The following SEMA6A variants were observed in gnomAD, a reference collection of about 807,000 sequenced individuals.
SEMA6A encodes semaphorin 6A.
Under a neutral mutation model 96.8 loss-of-function variants are expected in SEMA6A, and 25 were observed. The ratio of observed to expected loss-of-function variants is 0.26; its 90% CI spans 0.19 to 0.36. The LOEUF (loss-of-function observed/expected upper bound fraction) is 0.36. Ranked by LOEUF, SEMA6A falls within the 10% of genes least tolerant of loss-of-function variation. The probability of loss-of-function intolerance (pLI) is 1.00; values close to 1 mark genes in which losing one functional copy is unlikely to be tolerated. For synonymous variants in SEMA6A, 612 were observed against 518.0 expected (o/e 1.18, Z -2.46); for missense variants, 1,363 against 1,323.1 (o/e 1.03, Z -0.47).
At chr5:116,551,442 T>C (rs775526009) in intron 1 of SEMA6A, among the ~76,000 whole-genome samples, 1 of 152,054 alleles carries the variant, frequency 6.6e-6, no homozygotes, top group East Asian at 1.9e-4. Context: ...GAAACACTTA[T>C]CTAGTGCTTA....
At chr5:116,489,824 T>C (rs1452723457) in intron 7 of SEMA6A, among the ~76,000 whole-genome samples, 7 of 152,212 alleles carry the variant, frequency 4.6e-5, no homozygotes, top group Non-Finnish European at 8.8e-5. Flanking sequence ...CCTTCCTGGC[T>C]CAGCAAACAC....
At chr5:116,499,593 G>T (rs1408910458) in intron 3 of SEMA6A, among the ~76,000 whole-genome samples, 1 of 152,114 alleles carries the variant, frequency 6.6e-6, no homozygotes, top group African/African-American at 2.4e-5. Flanking sequence ...AAATATGGTG[G>T]GCATGGAACT....
In SEMA6A at chr5:116,446,944, G is replaced by C; in HGVS notation, c.2762C>G (p.Pro921Arg). The C allele has an allele frequency of 1.2e-6, 2 of 1,613,908 alleles. No homozygotes were observed. Among genetic ancestry groups the C allele is most frequent in the Non-Finnish European group, 8.5e-7 (1 of 1,179,862 alleles). ...GTGGCTTCTCGTGAGCGAGTTCGTG[G>C]GGTAGCTCCTCTTATAGTCAACCCC... ...SYGVDYKRSY[P>R]TNSLTRSHQA... The change falls in exon 19 of 19, where the codon CCC becomes CGC. Residue 921 changes from proline to arginine, a missense_variant. Pro to Arg is a moderately radical substitution (Grantham distance 103, BLOSUM62 -2). This residue lies in a region of SEMA6A where 883 missense variants were observed against 763.6 expected (regional missense o/e 1.16). Transcript: ENST00000343348.
chr5:116,537,642 C>A (rs1759774408), intron 1 of SEMA6A, among the ~76,000 whole-genome samples: 1 of 151,904 alleles, frequency 6.6e-6, no homozygotes, highest in Non-Finnish European at 1.5e-5. Flanking sequence ...ATTAATTGAA[C>A]AAAGAGCCAA....
intron 1 of SEMA6A, among the ~76,000 whole-genome samples, chr5:116,523,096 T>C (rs755397791): frequency 6.6e-5 from 10 of 152,202 alleles, no homozygotes; most frequent in Non-Finnish European, 1.3e-4. Flanking sequence ...GGAACTGAGC[T>C]GCACATGACC....
intron 1 of SEMA6A, among the ~76,000 whole-genome samples, chr5:116,525,151 A>G (rs1310433892): frequency 6.6e-6 from 1 of 152,158 alleles, no homozygotes; most frequent in Admixed American, 6.5e-5. Context: ...TTCAGCACCT[A>G]CTGTGTGCCA....
chr5:116,561,241 A>G (rs778499517), intron 1 of SEMA6A, among the ~76,000 whole-genome samples: 4 of 152,248 alleles, frequency 2.6e-5, no homozygotes, highest in Non-Finnish European at 4.4e-5. Flanking sequence ...TACAAGCACT[A>G]TATAAATAGT....
rs905230852 is a variant in SEMA6A at position 116,445,622 on chromosome 5, G to T, written c.*991C>A. 2.0e-5 allele frequency: 3 copies of T among 152,414 alleles called. No individual in the cohort carries two copies. Among genetic ancestry groups the T allele is most frequent in the African/African-American group, 7.2e-5 (3 of 41,446 alleles). The allele number at this position is 152,414 out of a possible 1,614,324, so 9.4% of individuals were successfully genotyped here. On this transcript the variant is annotated 3_prime_UTR_variant, in exon 19 of 19. Transcript: ENST00000343348. ...TTAACATGAATTAGTTTTTTTGCAT[G>T]TTTATAGGCCAGAGACCTGACCAGG...
intron 8 of SEMA6A, 52 bp downstream of exon 8, chr5:116,488,836 A>G (rs1382882235): frequency 6.7e-7 from 1 of 1,499,206 alleles, no homozygotes; most frequent in Non-Finnish European, 8.9e-7. Flanking sequence ...ATCTCCCACA[A>G]GATGTGTATT....
intron 1 of SEMA6A, among the ~76,000 whole-genome samples, chr5:116,552,626 G>T (rs150540918): frequency 1.6e-4 from 24 of 152,156 alleles, no homozygotes; most frequent in Non-Finnish European, 3.4e-4. Flanking sequence ...GACAGCCACC[G>T]TCTTGTGAGG....
Position 116,446,452 on chromosome 5 carries a change from C to T in SEMA6A, c.*161G>A, listed in dbSNP as rs1174711057. ...TCACCAAACCACGCGGCCCAGTTTT[C>T]GTGAGTACCCCTGTGTCCCAGAGAG... On this transcript the variant is annotated 3_prime_UTR_variant, in exon 19 of 19. Transcript: ENST00000343348. 1.4e-5 allele frequency: 8 copies of T among 571,980 alleles called. No homozygotes were observed. In the South Asian group the frequency reaches 1.8e-4, roughly 13 times the overall value. The allele number at this position is 571,980 out of a possible 1,614,324, so 35.4% of individuals were successfully genotyped here.
chr5:116,571,426 T>C (rs1349685259), intron 1 of SEMA6A, among the ~76,000 whole-genome samples: 1 of 152,198 alleles, frequency 6.6e-6, no homozygotes, highest in Non-Finnish European at 1.5e-5. Flanking sequence ...CCACAAACAC[T>C]GTACATCAGA....
At chr5:116,459,732 C>G (rs1350954373) in intron 18 of SEMA6A, among the ~76,000 whole-genome samples, 2 of 152,152 alleles carry the variant, frequency 1.3e-5, no homozygotes, top group Admixed American at 6.5e-5. Flanking sequence ...AGTACTCTCC[C>G]TCCCCCTCTT....
Position 116,477,870 on chromosome 5 carries a change from C to T in SEMA6A, c.1625G>A (p.Cys542Tyr). Residue 542 changes from cysteine (C) to tyrosine (Y), a missense_variant, in exon 15 of 19, where the codon TGC becomes TAC. Physicochemically the swap from Cys to Tyr is radical, Grantham distance 194. This residue lies in a region of SEMA6A where 883 missense variants were observed against 763.6 expected (regional missense o/e 1.16). Coordinates refer to ENST00000343348, the MANE Select transcript of SEMA6A (RefSeq NM_020796.5). Reference protein sequence around the residue: ...YCGWIKEGGACSHLSPNSRLT... With the variant: ...YCGWIKEGGAYSHLSPNSRLT... The stretch of plus-strand genomic sequence containing the variant: ...CCTGCTGTTGGGTGATAAATGGCTG[C>T]AGGCACCACCTTCCTTTATCCATCC... 1 of 1,613,942 alleles carries T rather than the reference C, an allele frequency of 6.2e-7. No homozygotes were observed. Among genetic ancestry groups the T allele is most frequent in the Non-Finnish European group, 8.5e-7 (1 of 1,179,866 alleles).
rs182396316 is a variant in SEMA6A, at chr5:116,516,953, G to A, written c.-38-11971C>T. On this transcript the variant is annotated intron_variant, in intron 1 of 18. Transcript: ENST00000343348. Reference sequence around the variant, plus strand: ...TTGGTGTTCATTGTTTTTGAAGTCTGCCCTGAGGCTCCTTAAGTTTAAAGA... The same window carrying A: ...TTGGTGTTCATTGTTTTTGAAGTCTACCCTGAGGCTCCTTAAGTTTAAAGA... Among the ~76,000 whole-genome samples, 156 of 152,254 alleles carry A rather than the reference G, an allele frequency of 1.0e-3. 1 individual carries two copies. The highest frequency in any genetic ancestry group is 8.4e-3 in the Admixed American group (129 of 15,296).
intron 1 of SEMA6A, among the ~76,000 whole-genome samples, chr5:116,563,995 AAAG>A (rs1611025): frequency 0.42 from 63,064 of 151,872 alleles, 15,392 homozygotes; most frequent in Middle Eastern, 0.55. Flanking sequence ...TGTGACACTT[AAAG>A]TGTTTCTCCA....
intron 6 of SEMA6A, among the ~76,000 whole-genome samples, 184 bp from the exon 7 acceptor site, chr5:116,492,014 T>G (rs769348207): frequency 5.3e-5 from 8 of 152,120 alleles, no homozygotes; most frequent in Non-Finnish European, 1.0e-4. Flanking sequence ...AAAAACATAT[T>G]TTTAGGGGAA....
In SEMA6A at chr5:116,489,017, AAAAG is replaced by A. The variant is rs1757202039; in HGVS notation, c.536-14_536-11del. On this transcript the variant is annotated splice_polypyrimidine_tract_variant and intron_variant, in intron 7 of 18. Transcript: ENST00000343348. ...GAGTATAGTTTTCCATCTTAGAAGA[AAAAG>A]AAAAGAGGTGAACAGGGTGGGAGCA... 1.3e-6 allele frequency: 2 copies of A among 1,556,408 alleles called. No individual in the cohort carries two copies. The highest frequency in any genetic ancestry group is 1.7e-6 in the Non-Finnish European group (2 of 1,149,126).
rs75686227 is a variant in SEMA6A at position 116,472,841 on chromosome 5, T to C, written c.1729+232A>G. ...AAACTATAAACTACTGCTGGATGAA[T>C]GACTTCACGAATTTAAAAAAAAAAA... On this transcript the variant is annotated intron_variant, in intron 17 of 18. Coordinates refer to ENST00000343348, the MANE Select transcript of SEMA6A (RefSeq NM_020796.5). 8.1e-4 allele frequency: 1,111 copies of C among 1,371,586 alleles called. 18 individuals are homozygous for C. In the East Asian group the frequency reaches 0.025, roughly 31 times the overall value. 85.0% of individuals were successfully genotyped at this position (1,371,586 alleles called of 1,614,324 possible). A position where few individuals can be genotyped will look rare whatever the true frequency, so the allele number is the denominator to read the frequency against.
Sources: gnomAD v4.1 joint callset for allele counts (sites outside exome capture counted in the v4.1 genomes callset) on GRCh38, gnomAD v4.1.1 for gene constraint, gnomAD v4.1.1 regional missense constraint, MANE v1.5 for transcripts, NCBI Gene and HGNC (gene_info 2026-07-23, HGNC 2026-07-21) for gene names.